The following NCOA2 variants were observed in gnomAD, a reference collection of about 807,000 sequenced individuals.
NCOA2 encodes the protein nuclear receptor coactivator 2.
In NCOA2, 21 loss-of-function variants were observed where a neutral mutation model predicts 145.1. The observed-to-expected ratio is 0.14, with a 90% CI of 0.10 to 0.21. The LOEUF is 0.21. Among genes scored for constraint, NCOA2 ranks in the 10% least tolerant of loss-of-function variants. The pLI is 1.00. For missense variants in NCOA2, 1,472 were observed against 1,837.6 expected (o/e 0.80, Z 3.64); for synonymous variants, 619 against 637.5 (o/e 0.97, Z 0.44).
chr8:70,413,580 A>G, the NCOA2 span, among the ~76,000 whole-genome samples: 1 of 152,210 alleles, frequency 6.6e-6, no homozygotes, highest in African/African-American at 2.4e-5. Context: ...TGCCTCAGGA[A>G]AAGAACCATC....
the NCOA2 span, among the ~76,000 whole-genome samples, chr8:70,422,221 G>C: frequency 6.6e-6 from 1 of 152,084 alleles, no homozygotes; most frequent in Non-Finnish European, 1.5e-5. Context: ...TTAGGGAATT[G>C]AAAGCTTTAG....
At chr8:70,234,115 T>C (rs1166713470) in intron 2 of NCOA2, among the ~76,000 whole-genome samples, 2 of 152,254 alleles carry the variant, frequency 1.3e-5, no homozygotes, top group African/African-American at 2.4e-5. Flanking sequence ...TCAAATAATA[T>C]GTGACCTTCT....
Position 70,159,663 on chromosome 8 carries a change from G to A in NCOA2, c.977-11C>T. The A allele has an allele frequency of 1.2e-6, 2 of 1,601,848 alleles. No individual in the cohort carries two copies. Among genetic ancestry groups the A allele is most frequent in the Non-Finnish European group, 1.7e-6 (2 of 1,170,656 alleles). ...ATCCTTGTCTCAGTACTGCAGGCAA[G>A]CAAGGAAACAGAAGGCACGTTTAGA... On this transcript the variant is annotated splice_polypyrimidine_tract_variant and intron_variant, in intron 9 of 22. Coordinates refer to ENST00000452400, the MANE Select transcript of NCOA2 (RefSeq NM_006540.4).
intron 1 of NCOA2, among the ~76,000 whole-genome samples, chr8:70,318,693 A>C (rs1299192502): frequency 6.6e-6 from 1 of 152,062 alleles, no homozygotes; most frequent in Non-Finnish European, 1.5e-5. Context: ...TGAGCCCAGG[A>C]GGTTGAGGCT....
At chr8:70,344,523 T>C (rs16936926) in intron 1 of NCOA2, among the ~76,000 whole-genome samples, 37,765 of 152,100 alleles carry the variant, frequency 0.25, 5,941 homozygotes, top group East Asian at 0.57. Flanking sequence ...AATAACAAAC[T>C]CTCTAGATTT....
intron 1 of NCOA2, among the ~76,000 whole-genome samples, chr8:70,320,106 T>C (rs1235023672): frequency 6.6e-6 from 1 of 152,170 alleles, no homozygotes; most frequent in Non-Finnish European, 1.5e-5. Context: ...TAACGTGAAA[T>C]CTTAAATAGA....
intron 22 of NCOA2, among the ~76,000 whole-genome samples, chr8:70,116,986 C>T (rs1191091845): frequency 6.6e-6 from 1 of 152,238 alleles, no homozygotes; most frequent in East Asian, 1.9e-4. Flanking sequence ...GTAGCTGTGA[C>T]TACAAGCGTG....
At chr8:70,440,389 A>G in the NCOA2 span, among the ~76,000 whole-genome samples, 132,225 of 152,242 alleles carry the variant, frequency 0.87, 57,992 homozygotes, top group East Asian at 0.98. Context: ...CCTGGCCAAA[A>G]TGGTAAAACC....
At chr8:70,453,811 C>T in the NCOA2 span, among the ~76,000 whole-genome samples, 6 of 152,174 alleles carry the variant, frequency 3.9e-5, no homozygotes, top group South Asian at 1.2e-3. Context: ...ACTTTACAGT[C>T]AAGTTGAAGA....
chr8:70,299,091 C>A (rs989754530), intron 1 of NCOA2, among the ~76,000 whole-genome samples: 5 of 151,902 alleles, frequency 3.3e-5, no homozygotes, highest in East Asian at 1.9e-4. Context: ...ACAAAAAAAA[C>A]CAGAAAGATG....
chr8:70,218,163 T>C (rs1222367204), intron 2 of NCOA2, among the ~76,000 whole-genome samples: 2 of 150,734 alleles, frequency 1.3e-5, no homozygotes, highest in Admixed American at 1.3e-4. Context: ...AATAATTTCT[T>C]CTCGCCACTT....
the NCOA2 span, among the ~76,000 whole-genome samples, chr8:70,417,245 T>TAAAAAAA: frequency 0.08 from 6,238 of 77,628 alleles, 571 homozygotes; most frequent in African/African-American, 0.18. Context: ...TCGTCTCTAT[T>TAAAAAAA]AAAAAAAAAA....
chr8:70,224,535 A>C (rs536220787), intron 2 of NCOA2, among the ~76,000 whole-genome samples: 1 of 152,074 alleles, frequency 6.6e-6, no homozygotes, highest in South Asian at 2.1e-4. Flanking sequence ...AACAGTGTCT[A>C]CTCTCCAATT....
intron 4 of NCOA2, among the ~76,000 whole-genome samples, chr8:70,183,145 A>G (rs1181901927): frequency 6.6e-6 from 1 of 152,228 alleles, no homozygotes; most frequent in Non-Finnish European, 1.5e-5. Context: ...AGTTACCTGA[A>G]CAAGGAAATA....
intron 1 of NCOA2, among the ~76,000 whole-genome samples, chr8:70,377,816 C>G (rs528832323): frequency 7.2e-4 from 110 of 152,250 alleles, no homozygotes; most frequent in African/African-American, 2.4e-3. Context: ...ACAGCTGCTA[C>G]CACTGGAGCT....
At chr8:70,154,923 T>C (rs1812122887) in intron 11 of NCOA2, among the ~76,000 whole-genome samples, 1 of 152,162 alleles carries the variant, frequency 6.6e-6, no homozygotes, top group African/African-American at 2.4e-5. Context: ...AAATCACTAA[T>C]AGATTTTAAG....
intron 2 of NCOA2, among the ~76,000 whole-genome samples, chr8:70,265,208 T>C (rs1824466290): frequency 6.6e-6 from 1 of 152,140 alleles, no homozygotes; most frequent in Admixed American, 6.5e-5. Flanking sequence ...GGAATTAGTG[T>C]CCATGTAAGA....
intron 4 of NCOA2, among the ~76,000 whole-genome samples, chr8:70,208,791 A>T (rs942604577): frequency 6.6e-6 from 1 of 152,208 alleles, no homozygotes; most frequent in African/African-American, 2.4e-5. Context: ...TACTGCTTAG[A>T]AAAAGATTCC....
intron 1 of NCOA2, among the ~76,000 whole-genome samples, chr8:70,313,763 C>G (rs902908049): frequency 6.6e-6 from 1 of 152,106 alleles, no homozygotes; most frequent in Non-Finnish European, 1.5e-5. Flanking sequence ...CTTCCTAATC[C>G]TTAAAATGTT....
Sources: allele counts gnomAD v4.1 joint callset (sites outside exome capture counted in the v4.1 genomes callset), GRCh38; gene constraint gnomAD v4.1.1; transcripts MANE v1.5; gene names NCBI Gene and HGNC (gene_info 2026-07-23, HGNC 2026-07-21).